TMEM266: variants seen among roughly 807,000 people sequenced by gnomAD.
TMEM266 encodes transmembrane protein 266.
TMEM266 carries 33 observed loss-of-function variants against 50.5 expected under a neutral mutation model. The observed-to-expected ratio is 0.65, with a 90% CI of 0.50 to 0.87. TMEM266 has a LOEUF of 0.87. Ranked by LOEUF, TMEM266 falls within the 40% of genes least tolerant of loss-of-function variation. The pLI, the probability that TMEM266 is intolerant of heterozygous loss-of-function variation, is 0.00. For missense variants in TMEM266, 655 were observed against 695.1 expected (o/e 0.94, Z 0.65); for synonymous variants, 310 against 292.3 (o/e 1.06, Z -0.62).
At chr15:76,080,787 C>T (rs2036680432) in intron 1 of TMEM266, among the ~76,000 whole-genome samples, 1 of 152,078 alleles carries the variant, frequency 6.6e-6, no homozygotes, top group South Asian at 2.1e-4. Context: ...CGCTCTGCCA[C>T]CCAAGCTAGA....
At chr15:76,106,077 T>A (rs986325142) in intron 1 of TMEM266, among the ~76,000 whole-genome samples, 2 of 152,150 alleles carry the variant, frequency 1.3e-5, no homozygotes, top group African/African-American at 4.8e-5. Context: ...TTTAGCGGGA[T>A]CAGGCTTTTC....
intron 9 of TMEM266, 77 bp from the exon 10 acceptor site, chr15:76,202,125 G>A (rs567899559): frequency 2.3e-5 from 29 of 1,259,760 alleles, no homozygotes; most frequent in Middle Eastern, 2.0e-4. Flanking sequence ...TCTTGTGACC[G>A]TGGGGGTGGG....
chr15:76,093,576 G>A (rs1250219663), intron 1 of TMEM266, among the ~76,000 whole-genome samples: 3 of 151,826 alleles, frequency 2.0e-5, no homozygotes, highest in Non-Finnish European at 2.9e-5. Context: ...ATAAACATAC[G>A]TGTGCATGTG....
chr15:76,191,854 C>A, intron 8 of TMEM266, 114 bp from the exon 9 acceptor site: 1 of 967,456 alleles, frequency 1.0e-6, no homozygotes, highest in South Asian at 1.9e-5. Context: ...GCGGGAGGCT[C>A]AGCCCAGTCC....
At chr15:76,081,390 G>A (rs1397041014) in intron 1 of TMEM266, among the ~76,000 whole-genome samples, 1 of 152,098 alleles carries the variant, frequency 6.6e-6, no homozygotes, top group Non-Finnish European at 1.5e-5. Context: ...TCATTCATAG[G>A]AGACCCTGGA....
In TMEM266 at chr15:76,138,146, C is replaced by T. The variant is rs773688293; in HGVS notation, c.227+251C>T. ...CTGAGGCAGGAGAATTGCTTGAACC[C>T]GAGAGGCGGAGGTTGCAGTGAGCTG... On this transcript the variant is annotated intron_variant, in intron 3 of 10. Coordinates refer to ENST00000388942, the MANE Select transcript of TMEM266 (RefSeq NM_152335.3). Among the ~76,000 whole-genome samples, 7 of 149,440 alleles carry T rather than the reference C, an allele frequency of 4.7e-5. No individual in the cohort carries two copies. In the East Asian group the frequency reaches 5.9e-4, roughly 13 times the overall value.
chr15:76,169,857 C>T lies in TMEM266; in HGVS notation c.498C>T (p.Ile166=), dbSNP rs368635240. Residue 166 remains isoleucine, a synonymous_variant, in exon 6 of 11, where the codon ATC becomes ATT. Transcript: ENST00000388942. ...TGGTGCTTGGGATCTGGGATTACAT[C>T]GAAAACAAAATAGAGGTAAAGACCA... The T allele has an allele frequency of 8.2e-5, 132 of 1,613,606 alleles. No individual in the cohort carries two copies. The highest frequency in any genetic ancestry group is 9.2e-5 in the Non-Finnish European group (109 of 1,179,824).
intron 3 of TMEM266, among the ~76,000 whole-genome samples, chr15:76,147,401 G>A (rs2955723): frequency 0.2 from 30,363 of 152,136 alleles, 4,041 homozygotes; most frequent in African/African-American, 0.38. Flanking sequence ...CTGGAAATTC[G>A]GCATCATATG....
At chr15:76,190,478 CCT>C (rs1395323743) in intron 8 of TMEM266, among the ~76,000 whole-genome samples, 1 of 152,056 alleles carries the variant, frequency 6.6e-6, no homozygotes. Flanking sequence ...GGAGAGTCCC[CCT>C]GAGTCCTGTT....
At chr15:76,195,980 A>T (rs574062233) in intron 9 of TMEM266, among the ~76,000 whole-genome samples, 1 of 152,234 alleles carries the variant, frequency 6.6e-6, no homozygotes, top group East Asian at 1.9e-4. Flanking sequence ...ATAGTGGGCA[A>T]CTTCCAGGAG....
At chr15:76,123,559 A>G (rs1368296767) in intron 1 of TMEM266, among the ~76,000 whole-genome samples, 2 of 152,208 alleles carry the variant, frequency 1.3e-5, no homozygotes, top group African/African-American at 4.8e-5. Context: ...CAGAAAGCTT[A>G]TCTCAGCTGA....
At chr15:76,091,959 A>G (rs1160150121) in intron 1 of TMEM266, among the ~76,000 whole-genome samples, 2 of 151,838 alleles carry the variant, frequency 1.3e-5, no homozygotes, top group Non-Finnish European at 2.9e-5. Flanking sequence ...CCACTGCACT[A>G]CAGCCTGGCA....
intron 1 of TMEM266, among the ~76,000 whole-genome samples, chr15:76,123,856 G>A (rs1013556710): frequency 6.6e-6 from 1 of 152,208 alleles, no homozygotes. Flanking sequence ...GGGATTACAG[G>A]TGTGTGCCAC....
intron 1 of TMEM266, among the ~76,000 whole-genome samples, chr15:76,130,569 T>C (rs2037494985): frequency 6.6e-6 from 1 of 152,236 alleles, no homozygotes. Context: ...GGGATGATGA[T>C]AGTTTTGTGA....
chr15:76,133,111 A>G (rs1421527154), intron 1 of TMEM266, among the ~76,000 whole-genome samples: 1 of 151,578 alleles, frequency 6.6e-6, no homozygotes, highest in East Asian at 1.9e-4. Context: ...CCTGGGTGAC[A>G]GAGTGAGACC....
chr15:76,175,710 T>C, intron 8 of TMEM266, 36 bp downstream of exon 8: 2 of 1,548,164 alleles, frequency 1.3e-6, no homozygotes, highest in Non-Finnish European at 1.8e-6. Context: ...GTCCGTGGTC[T>C]TGCTGGGGAC....
intron 1 of TMEM266, chr15:76,109,139 T>A (rs78287442): frequency 1.3e-5 from 2 of 152,116 alleles, no homozygotes; most frequent in Non-Finnish European, 2.9e-5. Flanking sequence ...GAGCCCCAAG[T>A]TGGAACCAGA....
At chr15:76,068,936 G>T (rs934688419) in intron 1 of TMEM266, among the ~76,000 whole-genome samples, 7 of 152,180 alleles carry the variant, frequency 4.6e-5, no homozygotes, top group East Asian at 1.9e-4. Context: ...CATAGTGCCT[G>T]TGCTTCGTGA....
chr15:76,201,289 T>TG (rs948665826), intron 9 of TMEM266, among the ~76,000 whole-genome samples: 6 of 152,306 alleles, frequency 3.9e-5, no homozygotes, highest in African/African-American at 7.2e-5. Flanking sequence ...GGATGGCTTT[T>TG]GGGGTCTTCC....
Sources: allele counts gnomAD v4.1 joint callset (sites outside exome capture counted in the v4.1 genomes callset), GRCh38; gene constraint gnomAD v4.1.1; transcripts MANE v1.5; gene names NCBI Gene and HGNC (gene_info 2026-07-23, HGNC 2026-07-21).